Variants in DOK5 observed in about 807,000 individuals in gnomAD.
The protein encoded by DOK5 is docking protein 5, also known as downstream of tyrosine kinase 5.
Under a neutral mutation model 43.3 loss-of-function variants are expected in DOK5, and 27 were observed. That is an observed-to-expected ratio of 0.62 (90% confidence interval 0.46 to 0.86). The LOEUF (loss-of-function observed/expected upper bound fraction) is 0.86, where lower values mean the gene tolerates loss of function less well. Ranked by LOEUF, DOK5 falls within the 40% of genes least tolerant of loss-of-function variation. The pLI, the probability that DOK5 is intolerant of heterozygous loss-of-function variation, is 0.00. For synonymous variants in DOK5, 146 were observed against 140.1 expected (o/e 1.04, Z -0.30); for missense variants, 373 against 392.9 (o/e 0.95, Z 0.43).
chr20:54,527,051 T>C (rs1983601766), intron 1 of DOK5, among the ~76,000 whole-genome samples: 1 of 152,220 alleles, frequency 6.6e-6, no homozygotes, highest in Non-Finnish European at 1.5e-5. Flanking sequence ...GAGATAATTG[T>C]AGTTTTAGAG....
chr20:54,578,294 A>G (rs1301800314), intron 2 of DOK5, among the ~76,000 whole-genome samples: 1 of 152,222 alleles, frequency 6.6e-6, no homozygotes, highest in African/African-American at 2.4e-5. Flanking sequence ...GAGAAAATCA[A>G]GTATTTCAAA....
At chr20:54,481,743 A>G (rs1356409152) in intron 1 of DOK5, among the ~76,000 whole-genome samples, 2 of 152,230 alleles carry the variant, frequency 1.3e-5, no homozygotes, top group Non-Finnish European at 2.9e-5. Context: ...GCTTAAGAGC[A>G]TAGGCTCTGA....
chr20:54,478,343 C>CG (rs1981520172), intron 1 of DOK5, among the ~76,000 whole-genome samples: 1 of 152,088 alleles, frequency 6.6e-6, no homozygotes, highest in African/African-American at 2.4e-5. Flanking sequence ...GGAATGTTAG[C>CG]GGTATTAATC....
intron 2 of DOK5, among the ~76,000 whole-genome samples, chr20:54,582,928 C>A (rs1985686406): frequency 6.6e-6 from 1 of 151,942 alleles, no homozygotes; most frequent in Non-Finnish European, 1.5e-5. Flanking sequence ...ATAGTTTGCT[C>A]TGTTTCTAGT....
chr20:54,506,416 A>G (rs1982804374), intron 1 of DOK5, among the ~76,000 whole-genome samples: 1 of 152,190 alleles, frequency 6.6e-6, no homozygotes, highest in African/African-American at 2.4e-5. Flanking sequence ...TGGCATTATT[A>G]CTGAAGGCTT....
chr20:54,564,425 C>A (rs746804062), intron 2 of DOK5, among the ~76,000 whole-genome samples: 1 of 151,862 alleles, frequency 6.6e-6, no homozygotes, highest in Non-Finnish European at 1.5e-5. Context: ...AGCAAGACTC[C>A]GTCAAAAAAA....
At chr20:54,483,325 A>G (rs991993798) in intron 1 of DOK5, among the ~76,000 whole-genome samples, 9 of 152,224 alleles carry the variant, frequency 5.9e-5, no homozygotes, top group African/African-American at 1.9e-4. Context: ...TGGTATTTTA[A>G]GAACTTAGTT....
chr20:54,514,031 C>T (rs751336485), intron 1 of DOK5, among the ~76,000 whole-genome samples: 1 of 152,288 alleles, frequency 6.6e-6, no homozygotes, highest in East Asian at 1.9e-4. Flanking sequence ...ACTTTTTGTA[C>T]TCATTGTGCA....
chr20:54,521,703 A>ACAT (rs1452513069), intron 1 of DOK5, among the ~76,000 whole-genome samples: 1 of 152,164 alleles, frequency 6.6e-6, no homozygotes, highest in African/African-American at 2.4e-5. Context: ...GAATCATTGG[A>ACAT]CATTGGTGAT....
intron 1 of DOK5, among the ~76,000 whole-genome samples, chr20:54,538,570 G>A (rs546492014): frequency 1.4e-4 from 21 of 152,244 alleles, no homozygotes; most frequent in Middle Eastern, 3.4e-3. Flanking sequence ...AACACAATAC[G>A]TTTTCCTTCC....
chr20:54,640,633 G>A (rs527324309), intron 6 of DOK5, among the ~76,000 whole-genome samples: 11 of 152,302 alleles, frequency 7.2e-5, no homozygotes, highest in East Asian at 3.9e-4. Flanking sequence ...TTCAAAACGC[G>A]GCGTTGCTGT....
chr20:54,523,818 G>T (rs1410725355), intron 1 of DOK5, among the ~76,000 whole-genome samples: 2 of 151,946 alleles, frequency 1.3e-5, no homozygotes, highest in Admixed American at 1.3e-4. Context: ...GGTCAGGCTG[G>T]TCTCAAACTT....
chr20:54,647,336 C>T (rs1055654718), intron 7 of DOK5, among the ~76,000 whole-genome samples: 2 of 151,902 alleles, frequency 1.3e-5, no homozygotes, highest in Non-Finnish European at 2.9e-5. Flanking sequence ...GAAACCCCAC[C>T]TCTACTAAAA....
At chr20:54,482,056 C>A (rs1981742582) in intron 1 of DOK5, among the ~76,000 whole-genome samples, 1 of 152,154 alleles carries the variant, frequency 6.6e-6, no homozygotes, top group Admixed American at 6.5e-5. Context: ...GTTAGGAAAA[C>A]AAACTTAGTA....
chr20:54,547,181 A>G (rs573980745), intron 1 of DOK5, among the ~76,000 whole-genome samples: 11 of 152,332 alleles, frequency 7.2e-5, no homozygotes, highest in African/African-American at 2.2e-4. Flanking sequence ...ATTCATTTAC[A>G]TATATTCTGT....
chr20:54,532,698 C>G (rs553936238), intron 1 of DOK5, among the ~76,000 whole-genome samples: 1 of 152,266 alleles, frequency 6.6e-6, no homozygotes, highest in East Asian at 1.9e-4. Flanking sequence ...CACCGTGTCA[C>G]TTTTGCTCTT....
intron 7 of DOK5, 133 bp from the exon 8 acceptor site, chr20:54,650,282 T>C (rs1432392088): frequency 9.7e-6 from 7 of 719,176 alleles, no homozygotes; most frequent in South Asian, 1.8e-5. Context: ...CATATCATCC[T>C]GAGAGGCCTT....
intron 6 of DOK5, among the ~76,000 whole-genome samples, chr20:54,614,500 T>C (rs554129555): frequency 6.6e-6 from 1 of 152,346 alleles, no homozygotes; most frequent in South Asian, 2.1e-4. Flanking sequence ...GTCTTGTTCG[T>C]AGAGCCATCA....
At chr20:54,563,496 A>T (rs927100701) in intron 2 of DOK5, among the ~76,000 whole-genome samples, 2 of 152,152 alleles carry the variant, frequency 1.3e-5, no homozygotes, top group African/African-American at 4.8e-5. Context: ...TGACAATTAC[A>T]TTACTTTCAA....
Sources: allele counts gnomAD v4.1 joint callset (sites outside exome capture counted in the v4.1 genomes callset), GRCh38; gene constraint gnomAD v4.1.1; transcripts MANE v1.5; gene names NCBI Gene and HGNC (gene_info 2026-07-23, HGNC 2026-07-21).